Variants in COQ3 observed in about 807,000 individuals in gnomAD.
COQ3 encodes coenzyme Q3, methyltransferase.
COQ3 carries 29 observed loss-of-function variants against 33.1 expected under a neutral mutation model. The observed-to-expected ratio is 0.88, with a 90% confidence interval of 0.65 to 1.19. COQ3 has a LOEUF of 1.19. Among genes scored for constraint, COQ3 ranks in the 50% most tolerant of loss-of-function variants. The pLI is 0.00. For synonymous variants in COQ3, 173 were observed against 157.8 expected (o/e 1.10, Z -0.72); for missense variants, 437 against 430.7 (o/e 1.01, Z -0.13).
In COQ3 at chr6:99,383,739, G is replaced by C; in HGVS notation, c.192C>G (p.Tyr64Ter). The C allele has an allele frequency of 6.2e-7, 1 of 1,605,750 alleles. No individual in the cohort carries two copies. Among genetic ancestry groups the C allele is most frequent in the Non-Finnish European group, 8.5e-7 (1 of 1,176,846 alleles). ...TGTTCAAACAGGAAAAGATCGTCCTGTAGGATTTGAACCATATGGTTCTGT... is the reference window on the plus strand; with the variant it reads ...TGTTCAAACAGGAAAAGATCGTCCTCTAGGATTTGAACCATATGGTTCTGT... Reference protein sequence around the residue: ...NEYRTIWFKSYRTIFSCLNRI... With the variant: ...NEYRTIWFKS The change falls in exon 2 of 7, where the codon TAC (tyrosine) becomes TAG (stop). Residue 64 changes from tyrosine (Y) to a stop codon, truncating the protein, a stop_gained. Transcript: ENST00000254759. LOFTEE classifies it high-confidence loss of function.
Position 99,394,115 on chromosome 6 carries a change from C to T in COQ3, c.65G>A (p.Gly22Asp). Residue 22 changes from glycine to aspartate, a missense_variant, in exon 1 of 7, where the codon GGC becomes GAC. By Grantham distance (94) the Gly-to-Asp change is moderately conservative. Transcript: ENST00000254759. Reference sequence around the variant, plus strand: ...GGGACGCGCAGCTTTTGTATTACAGCCTCCAGGCCCCAGCACTCTTAAAAA... The same window carrying T: ...GGGACGCGCAGCTTTTGTATTACAGTCTCCAGGCCCCAGCACTCTTAAAAA... The part of the protein sequence containing the change: ...GWFLRVLGPG[G>D]CNTKAARPLI... The T allele has an allele frequency of 6.2e-7, 1 of 1,613,700 alleles. No homozygotes were observed. Among genetic ancestry groups the T allele is most frequent in the Middle Eastern group, 1.7e-4 (1 of 6,058 alleles).
At chr6:99,388,923 ACACACACACACC>A (rs776954350) in intron 1 of COQ3, among the ~76,000 whole-genome samples, 5,204 of 145,556 alleles carry the variant, frequency 0.036, 126 homozygotes, top group East Asian at 0.084. Flanking sequence ...ACACACACAC[ACACACACACACC>A]CACATCCTCA....
chr6:99,373,815 G>C (rs1470704016), intron 5 of COQ3, among the ~76,000 whole-genome samples: 1 of 152,042 alleles, frequency 6.6e-6, no homozygotes, highest in Non-Finnish European at 1.5e-5. Flanking sequence ...AACATAGGGA[G>C]ACCCTGTCTC....
At chr6:99,392,314 G>A (rs1325281279) in intron 1 of COQ3, among the ~76,000 whole-genome samples, 1 of 152,078 alleles carries the variant, frequency 6.6e-6, no homozygotes, top group Non-Finnish European at 1.5e-5. Context: ...TTGCTCTAAG[G>A]TCTTCCTGGG....
rs199550737 is a variant in COQ3 at position 99,377,504 on chromosome 6, A to C, written c.387-19T>G. 4 of 1,521,186 alleles carry C rather than the reference A, an allele frequency of 2.6e-6. No homozygotes were observed. Among genetic ancestry groups the C allele is most frequent in the Non-Finnish European group, 2.7e-6 (3 of 1,107,542 alleles). The allele number at this position is 1,521,186 out of a possible 1,614,324, so 94.2% of individuals were successfully genotyped here. A position where few individuals can be genotyped will look rare whatever the true frequency, so the allele number is the denominator to read the frequency against. The stretch of plus-strand genomic sequence containing the variant: ...ATTGTCCCTTTTTTAAAAAATTCAA[A>C]ACATACCAAAACAAATAATTAATTT... On this transcript the variant is annotated intron_variant, in intron 3 of 6. Coordinates refer to ENST00000254759, the MANE Select transcript of COQ3 (RefSeq NM_017421.4).
At position 99,387,636 on chromosome 6, in the gene COQ3, T is replaced by G. The variant is rs977624769; in HGVS notation, c.107-3812A>C. On this transcript the variant is annotated intron_variant, in intron 1 of 6. Coordinates refer to ENST00000254759, the MANE Select transcript of COQ3 (RefSeq NM_017421.4). ...AAAAACCTATAGCTCACATAGTACT[T>G]TATGATGAAAGACTAAGCCCTTTCC... is the stretch of plus-strand genomic sequence containing the variant. Among the ~76,000 whole-genome samples the G allele has an allele frequency of 1.1e-4, 17 of 152,168 alleles. No homozygotes were observed. In the East Asian group the frequency reaches 3.3e-3, roughly 29 times the overall value.
intron 3 of COQ3, 56 bp from the exon 4 acceptor site, chr6:99,377,541 A>G: frequency 7.9e-7 from 1 of 1,259,252 alleles, no homozygotes; most frequent in Non-Finnish European, 1.1e-6. Flanking sequence ...ATCAACGAAA[A>G]GTCACAAAGT....
rs145845231 is a variant in COQ3 at position 99,391,388 on chromosome 6, G to A, written c.106+2686C>T. Among the ~76,000 whole-genome samples the A allele has an allele frequency of 4.5e-3, 689 of 151,922 alleles. 11 individuals carry two copies. The highest frequency in any genetic ancestry group is 0.016 in the African/African-American group (664 of 41,418). On this transcript the variant is annotated intron_variant, in intron 1 of 6. Transcript: ENST00000254759. ...CAAAGTGCCGGGATTAAAGGTGCTC[G>A]GCCAGGCTTTTGTTCATTTTATTTC...
intron 1 of COQ3, among the ~76,000 whole-genome samples, chr6:99,384,796 A>C (rs926406149): frequency 3.3e-5 from 5 of 152,190 alleles, no homozygotes; most frequent in African/African-American, 1.2e-4. Flanking sequence ...TAATCCACCA[A>C]GAAGAAAAAG....
chr6:99,384,871 G>A (rs113073648), intron 1 of COQ3, among the ~76,000 whole-genome samples: 5,144 of 152,240 alleles, frequency 0.034, 277 homozygotes, highest in African/African-American at 0.12. Context: ...AGCACTTTCG[G>A]AGGCTGAAGC....
chr6:99,390,435 G>A (rs1276295527), intron 1 of COQ3, among the ~76,000 whole-genome samples: 4 of 150,810 alleles, frequency 2.7e-5, no homozygotes, highest in Non-Finnish European at 5.9e-5. Flanking sequence ...CCGGGTTCAC[G>A]CCATTCTCCT....
At chr6:99,390,522 A>G (rs1410225115) in intron 1 of COQ3, among the ~76,000 whole-genome samples, 1 of 151,898 alleles carries the variant, frequency 6.6e-6, no homozygotes, top group East Asian at 1.9e-4. Context: ...TTTAGTAGAG[A>G]CGGGTTTCAC....
chr6:99,394,032 C>G, intron 1 of COQ3, 42 bp downstream of exon 1: 1 of 1,539,764 alleles, frequency 6.5e-7, no homozygotes. Context: ...CGCCAGCGCT[C>G]GCAATTGACT....
chr6:99,369,651 G>T lies in COQ3; in HGVS notation c.1059C>A (p.Leu353=). 1 of 1,613,992 alleles carries T rather than the reference G, an allele frequency of 6.2e-7. No homozygotes were observed. Reference sequence around the variant, plus strand: ...CTGGATTGGTGCAGGCATTAGCTTGGAGCTCTTCTGTTTCTCCCTTTAAAA... The same window carrying T: ...CTGGATTGGTGCAGGCATTAGCTTGTAGCTCTTCTGTTTCTCCCTTTAAAA... The part of the protein sequence containing the change: ...EFVLKGETEE[L]QANACTNPAV... Residue 353 remains leucine (L), a synonymous_variant, in exon 7 of 7, where the codon CTC becomes CTA. Transcript: ENST00000254759.
At position 99,387,428 on chromosome 6, in the gene COQ3, G is replaced by T. The variant is rs1389544569; in HGVS notation, c.107-3604C>A. Among the ~76,000 whole-genome samples the T allele has an allele frequency of 2.0e-5, 3 of 152,160 alleles. No individual in the cohort carries two copies. In the South Asian group the frequency reaches 6.2e-4, roughly 32 times the overall value. On this transcript the variant is annotated intron_variant, in intron 1 of 6. Transcript: ENST00000254759. ...ATTGCACCGCTGCACTCCAGCCTAG[G>T]GTACAGAGCAACACTGTCTCAAAAA...
intron 3 of COQ3, among the ~76,000 whole-genome samples, chr6:99,378,390 T>C (rs1488745779): frequency 6.6e-6 from 1 of 151,972 alleles, no homozygotes; most frequent in Non-Finnish European, 1.5e-5. Context: ...ACAGCTAAAA[T>C]GACTCCTTTA....
chr6:99,376,804 C>G (rs1397501286), intron 4 of COQ3, among the ~76,000 whole-genome samples: 1 of 151,758 alleles, frequency 6.6e-6, no homozygotes, highest in Non-Finnish European at 1.5e-5. Context: ...AACCCTGTCT[C>G]TACTAAAAAT....
chr6:99,391,773 C>T (rs1460914948), intron 1 of COQ3, among the ~76,000 whole-genome samples: 1 of 152,048 alleles, frequency 6.6e-6, no homozygotes, highest in African/African-American at 2.4e-5. Flanking sequence ...CCAAGGTGGG[C>T]GGCCTGCTTG....
intron 5 of COQ3, among the ~76,000 whole-genome samples, chr6:99,372,223 G>A (rs1172326071): frequency 6.6e-6 from 1 of 152,026 alleles, no homozygotes; most frequent in Non-Finnish European, 1.5e-5. Context: ...GGCCAACATG[G>A]CGAAACCCCC....
Sources: gnomAD v4.1 joint callset for allele counts (sites outside exome capture counted in the v4.1 genomes callset) on GRCh38, gnomAD v4.1.1 for gene constraint, MANE v1.5 for transcripts, NCBI Gene and HGNC (gene_info 2026-07-23, HGNC 2026-07-21) for gene names.